CPS1: variants seen among roughly 807,000 people sequenced by gnomAD.
CPS1 encodes carbamoyl-phosphate synthase [ammonia], mitochondrial.
CPS1 carries 109 observed loss-of-function variants against 174.6 expected under a neutral mutation model. The observed-to-expected ratio is 0.62, with a 90% confidence interval of 0.53 to 0.73. CPS1 has a LOEUF of 0.73. CPS1 is among the 30% of genes least tolerant of loss of function. The pLI, the probability that CPS1 is intolerant of heterozygous loss-of-function variation, is 0.00. For synonymous variants in CPS1, 637 were observed against 632.0 expected (o/e 1.01, Z -0.12); for missense variants, 1,689 against 1,821.9 (o/e 0.93, Z 1.33).
upstream of CPS1, chr2:210,555,776 C>A (rs566017507): frequency 4.8e-6 from 2 of 415,272 alleles, no homozygotes; most frequent in Admixed American, 4.9e-5. Context: ...GCCAGTGAGG[C>A]CCCTTGAGAG....
chr2:210,484,661 C>A (rs1694668256), intron 1 of CPS1, among the ~76,000 whole-genome samples: 1 of 152,222 alleles, frequency 6.6e-6, no homozygotes. Flanking sequence ...CCTATCATGA[C>A]TACCTAACTG....
chr2:210,608,680 C>T, intron 19 of CPS1, 121 bp downstream of exon 19: 1 of 916,922 alleles, frequency 1.1e-6, no homozygotes, highest in Non-Finnish European at 1.8e-6. Flanking sequence ...GTTAAAGGTG[C>T]AATTGACAGT....
Position 210,582,522 on chromosome 2 carries a change from G to T in CPS1, c.529-95G>T, listed in dbSNP as rs1199705911. 6 of 875,346 alleles carry T rather than the reference G, an allele frequency of 6.9e-6. No individual in the cohort carries two copies. In the African/African-American group the frequency reaches 1.0e-4, roughly 15 times the overall value. 54.2% of individuals were successfully genotyped at this position (875,346 alleles called of 1,614,324 possible). Reference sequence around the variant, plus strand: ...TACGAGTAGTTATAAAGACATCTAAGTCTTGCAGCAGCTGTTTAAAGTCCC... The same window carrying T: ...TACGAGTAGTTATAAAGACATCTAATTCTTGCAGCAGCTGTTTAAAGTCCC... On this transcript the variant is annotated intron_variant, in intron 5 of 37. Transcript: ENST00000233072.
chr2:210,636,995 A>C (rs1166342150), intron 21 of CPS1, among the ~76,000 whole-genome samples: 2 of 152,196 alleles, frequency 1.3e-5, no homozygotes, highest in Admixed American at 1.3e-4. Flanking sequence ...TAGGGAGAGG[A>C]TATCCAAACT....
At chr2:210,673,816 A>G (rs139198471) in intron 34 of CPS1, 230 of 152,336 alleles carry the variant, frequency 1.5e-3, no homozygotes, top group African/African-American at 5.1e-3. Flanking sequence ...TTCCTGTTCA[A>G]CAGATGAGGA....
At chr2:210,528,905 G>A (rs1041024831) in intron 1 of CPS1, among the ~76,000 whole-genome samples, 3 of 147,896 alleles carry the variant, frequency 2.0e-5, no homozygotes, top group Non-Finnish European at 4.5e-5. Context: ...ACAAAAGGAT[G>A]AATAAAAAAC....
chr2:210,575,307 T>C (rs1214810273), intron 2 of CPS1, among the ~76,000 whole-genome samples: 2 of 152,068 alleles, frequency 1.3e-5, no homozygotes, highest in Non-Finnish European at 2.9e-5. Flanking sequence ...CTAAATTCAC[T>C]TTCAGTTGTA....
chr2:210,488,745 G>A (rs1694789268), intron 1 of CPS1, among the ~76,000 whole-genome samples: 1 of 151,974 alleles, frequency 6.6e-6, no homozygotes, highest in Non-Finnish European at 1.5e-5. Context: ...GGGAATTGTG[G>A]GTTAAAAAAC....
At position 210,637,586 on chromosome 2, in the gene CPS1, T is replaced by G. The variant is rs745329627; in HGVS notation, c.2688-116T>G. 52 of 1,079,512 alleles carry G rather than the reference T, an allele frequency of 4.8e-5. 1 individual carries two copies. Among genetic ancestry groups the G allele is most frequent in the Non-Finnish European group, 7.1e-5 (50 of 705,424 alleles). The allele number at this position is 1,079,512 out of a possible 1,614,324, so 66.9% of individuals were successfully genotyped here. On this transcript the variant is annotated intron_variant, in intron 21 of 37. Coordinates refer to ENST00000233072, the MANE Select transcript of CPS1 (RefSeq NM_001875.5). Reference sequence around the variant, plus strand: ...TGTATTTTTAAAAGATAACAAGACTTAAATATGTTTGAAGGTGGAAAATAA... The same window carrying G: ...TGTATTTTTAAAAGATAACAAGACTGAAATATGTTTGAAGGTGGAAAATAA...
rs747771551 is a variant in CPS1 at position 210,642,609 on chromosome 2, A to C, written c.3085A>C (p.Lys1029Gln). 1.2e-6 allele frequency: 2 copies of C among 1,614,170 alleles called. No homozygotes were observed. The highest frequency in any genetic ancestry group is 1.1e-5 in the South Asian group (1 of 91,076). ...TVSTDFDECD[K>Q]LYFEELSLER... The stretch of plus-strand genomic sequence containing the variant: ...GAGCACAGACTTTGATGAGTGTGAC[A>C]AACTGTACTTTGAAGAGTTGTCCTT... The change falls in exon 25 of 38, where the codon AAA becomes CAA. Residue 1029 changes from lysine (K) to glutamine (Q), a missense_variant. Lys to Gln is a moderately conservative substitution (Grantham distance 53). Coordinates refer to ENST00000233072, the MANE Select transcript of CPS1 (RefSeq NM_001875.5).
intron 21 of CPS1, chr2:210,618,049 C>T (rs1291337596): frequency 2.0e-5 from 3 of 151,904 alleles, no homozygotes; most frequent in African/African-American, 4.8e-5. Flanking sequence ...TGGACAAATT[C>T]AATGTTTTAA....
At chr2:210,675,607 C>T (rs1350541834) in intron 35 of CPS1, 121 bp from the exon 36 acceptor site, 2 of 715,286 alleles carry the variant, frequency 2.8e-6, no homozygotes. Context: ...AGTCTCTATC[C>T]ATGGCACTAT....
intron 32 of CPS1, 152 bp from the exon 33 acceptor site, chr2:210,662,971 T>G: frequency 2.6e-6 from 2 of 755,978 alleles, no homozygotes; most frequent in Admixed American, 2.4e-5. Context: ...ATCTTTCAAG[T>G]CGGATGCTTG....
chr2:210,498,248 A>G (rs1429593303), intron 1 of CPS1, among the ~76,000 whole-genome samples: 2 of 152,030 alleles, frequency 1.3e-5, no homozygotes, highest in East Asian at 3.9e-4. Flanking sequence ...GTGTCTGTCC[A>G]TGTCTTTTGC....
intron 1 of CPS1, among the ~76,000 whole-genome samples, chr2:210,561,021 A>G (rs1215768580): frequency 6.6e-6 from 1 of 152,184 alleles, no homozygotes; most frequent in African/African-American, 2.4e-5. Flanking sequence ...TACTTTTGGC[A>G]TGCAATACTT....
At chr2:210,631,773 G>T (rs1699879576) in intron 21 of CPS1, among the ~76,000 whole-genome samples, 2 of 152,274 alleles carry the variant, frequency 1.3e-5, no homozygotes, top group African/African-American at 2.4e-5. Flanking sequence ...AAGAATAGTT[G>T]TATATATAAT....
At chr2:210,499,431 C>T (rs1695084276) in intron 1 of CPS1, among the ~76,000 whole-genome samples, 1 of 152,128 alleles carries the variant, frequency 6.6e-6, no homozygotes, top group Non-Finnish European at 1.5e-5. Context: ...AGCACAATTC[C>T]AGTGCCTACT....
chr2:210,663,273 AAAAT>A (rs1431917034), intron 33 of CPS1, 76 bp downstream of exon 33: 1 of 1,377,258 alleles, frequency 7.3e-7, no homozygotes, highest in African/African-American at 1.4e-5. Context: ...TGAATACAGT[AAAAT>A]AAAGGGAATA....
intron 1 of CPS1, among the ~76,000 whole-genome samples, chr2:210,561,848 T>C (rs1373061937): frequency 6.6e-6 from 1 of 152,212 alleles, no homozygotes; most frequent in Non-Finnish European, 1.5e-5. Context: ...TTTCAACTTG[T>C]TAAATGCTAT....
Sources: allele counts gnomAD v4.1 joint callset (sites outside exome capture counted in the v4.1 genomes callset), GRCh38; gene constraint gnomAD v4.1.1; transcripts MANE v1.5; gene names NCBI Gene and HGNC (gene_info 2026-07-23, HGNC 2026-07-21).